Variants in R3HDM1 observed in about 807,000 individuals in gnomAD.
R3HDM1 encodes the protein R3H domain containing 1, also known as R3H domain-containing protein 1.
In R3HDM1, 46 loss-of-function variants were observed where a neutral mutation model predicts 141.1. The ratio of observed to expected loss-of-function variants is 0.33; its 90% CI spans 0.26 to 0.42. The LOEUF is 0.42. R3HDM1 is among the 10% of genes least tolerant of loss of function. The pLI is 1.00. For missense variants in R3HDM1, 1,184 were observed against 1,368.3 expected (o/e 0.87, Z 2.12); for synonymous variants, 435 against 472.9 (o/e 0.92, Z 1.04).
chr2:135,547,649 C>T (rs1041529144), intron 1 of R3HDM1, among the ~76,000 whole-genome samples: 2 of 151,606 alleles, frequency 1.3e-5, no homozygotes, highest in Non-Finnish European at 2.9e-5. Flanking sequence ...TCTTATGGCT[C>T]CTTCTCTTGT....
chr2:135,663,206 A>G (rs1449633467), intron 19 of R3HDM1, among the ~76,000 whole-genome samples: 3 of 152,010 alleles, frequency 2.0e-5, no homozygotes, highest in Non-Finnish European at 4.4e-5. Context: ...AGGTGAAAAC[A>G]TCTATGTGAC....
In R3HDM1 at chr2:135,610,977, G is replaced by T. The variant is rs368372477; in HGVS notation, c.172-5175G>T. On this transcript the variant is annotated intron_variant, in intron 3 of 26. Coordinates refer to ENST00000683871, the MANE Select transcript of R3HDM1 (RefSeq NM_001378107.1). ...ATAAAAAAATTATTCATGCGTCACGGTACATACCTGTAGTCACAGTTGTTT... is the reference window on the plus strand; with the variant it reads ...ATAAAAAAATTATTCATGCGTCACGTTACATACCTGTAGTCACAGTTGTTT... Among the ~76,000 whole-genome samples, 96 of 152,100 alleles carry T rather than the reference G, an allele frequency of 6.3e-4. 1 individual carries two copies. The highest frequency in any genetic ancestry group is 2.0e-3 in the African/African-American group (82 of 41,508).
At position 135,602,592 on chromosome 2, in the gene R3HDM1, G is replaced by A. The variant is rs775469042; in HGVS notation, c.-157G>A. 376 of 1,541,568 alleles carry A rather than the reference G, an allele frequency of 2.4e-4. No homozygotes were observed. The highest frequency in any genetic ancestry group is 3.0e-4 in the Non-Finnish European group (344 of 1,144,316). On this transcript the variant is annotated 5_prime_UTR_variant, in exon 2 of 27. Coordinates refer to ENST00000683871, the MANE Select transcript of R3HDM1 (RefSeq NM_001378107.1). ...CAAGGACATGGGACTCCTCCTGCCA[G>A]ATTACAGATGGTTCACTACAGTTGA...
At chr2:135,700,402 C>T (rs2074037473) in intron 21 of R3HDM1, among the ~76,000 whole-genome samples, 2 of 152,144 alleles carry the variant, frequency 1.3e-5, no homozygotes, top group South Asian at 4.1e-4. Context: ...ATTCAGGCTG[C>T]TATAGTTCAC....
chr2:135,620,040 A>G (rs2061397096), intron 5 of R3HDM1, among the ~76,000 whole-genome samples: 2 of 152,192 alleles, frequency 1.3e-5, no homozygotes, highest in African/African-American at 4.8e-5. Context: ...GCCTCAGTAC[A>G]TTAAGCTTAC....
intron 21 of R3HDM1, among the ~76,000 whole-genome samples, chr2:135,699,649 G>C (rs758760144): frequency 6.6e-6 from 1 of 152,128 alleles, no homozygotes; most frequent in African/African-American, 2.4e-5. Context: ...CTAAAGTTTT[G>C]TAAATGTAGA....
Position 135,621,591 on chromosome 2 carries a change from G to A in R3HDM1, c.401G>A (p.Arg134Lys). The A allele has an allele frequency of 6.3e-7, 1 of 1,585,488 alleles. No individual in the cohort carries two copies. Among genetic ancestry groups the A allele is most frequent in the Non-Finnish European group, 8.6e-7 (1 of 1,167,328 alleles). ...EKEKASDKLP[R>K]KMLSRDSSQE... is the part of the protein sequence containing the mutation. ...GAAAAGGCCAGTGATAAGTTGCCCAGAAAAATGTTATCAAGAGGTTTGCAG... is the reference window on the plus strand; with the variant it reads ...GAAAAGGCCAGTGATAAGTTGCCCAAAAAAATGTTATCAAGAGGTTTGCAG... Residue 134 changes from arginine to lysine, a missense_variant, in exon 6 of 27, where the codon AGA (arginine) becomes AAA (lysine). This residue lies in a region of R3HDM1 where 192 missense variants were observed against 215.7 expected (regional missense o/e 0.89). Coordinates refer to ENST00000683871, the MANE Select transcript of R3HDM1 (RefSeq NM_001378107.1).
chr2:135,715,427 C>G (rs1427222392), intron 23 of R3HDM1, 123 bp from the exon 24 acceptor site: 3 of 1,080,714 alleles, frequency 2.8e-6, no homozygotes, highest in Admixed American at 2.8e-5. Flanking sequence ...TGGGGAGTTG[C>G]AGATCACATG....
At chr2:135,629,888 TAGGGAAGATC>T (rs2062461449) in intron 7 of R3HDM1, among the ~76,000 whole-genome samples, 2 of 152,122 alleles carry the variant, frequency 1.3e-5, no homozygotes, top group East Asian at 1.9e-4. Context: ...TAGAATAGAT[TAGGGAAGATC>T]AGGGAAGATA....
chr2:135,652,114 A>C, intron 18 of R3HDM1, 82 bp downstream of exon 18: 11 of 1,466,618 alleles, frequency 7.5e-6, no homozygotes, highest in Non-Finnish European at 9.9e-6. Context: ...TTATTTTTAA[A>C]TTCTCATGAA....
In R3HDM1 at chr2:135,537,037, T is replaced by C. The variant is rs145025191; in HGVS notation, c.-250+5404T>C. 2.7e-4 allele frequency among the ~76,000 whole-genome samples: 41 copies of C among 152,164 alleles called. 1 individual carries two copies. In the East Asian group the frequency reaches 6.4e-3, roughly 24 times the overall value. On this transcript the variant is annotated intron_variant, in intron 1 of 26. Coordinates refer to ENST00000683871, the MANE Select transcript of R3HDM1 (RefSeq NM_001378107.1). ...AAACAGGTCCCTGGTGCCAAAAAGG[T>C]TGGGGACTGCTGCTCTTAGGACAGA...
At chr2:135,559,617 G>C (rs925001274) in intron 1 of R3HDM1, among the ~76,000 whole-genome samples, 5 of 152,156 alleles carry the variant, frequency 3.3e-5, no homozygotes, top group African/African-American at 1.2e-4. Context: ...TAGATACTTG[G>C]GCTGAGCCCC....
intron 20 of R3HDM1, among the ~76,000 whole-genome samples, chr2:135,678,319 G>C (rs2069574731): frequency 6.6e-6 from 1 of 151,882 alleles, no homozygotes. Flanking sequence ...AGTGATTCTA[G>C]AACTGAGTTT....
intron 1 of R3HDM1, among the ~76,000 whole-genome samples, chr2:135,558,305 A>G (rs1428882012): frequency 6.6e-6 from 1 of 152,210 alleles, no homozygotes; most frequent in South Asian, 2.1e-4. Flanking sequence ...AATTATATTT[A>G]GTACTGAACA....
chr2:135,703,981 CATTT>C (rs757523725), intron 21 of R3HDM1, among the ~76,000 whole-genome samples: 1 of 152,052 alleles, frequency 6.6e-6, no homozygotes. Context: ...GTTATTTATT[CATTT>C]ATTTATTTAT....
intron 1 of R3HDM1, among the ~76,000 whole-genome samples, chr2:135,541,577 G>T (rs187549245): frequency 1.4e-4 from 22 of 152,058 alleles, no homozygotes; most frequent in Non-Finnish European, 2.8e-4. Context: ...GAAGAGATGG[G>T]GTATCAGCCA....
intron 1 of R3HDM1, among the ~76,000 whole-genome samples, chr2:135,562,732 C>G (rs527340069): frequency 1.4e-4 from 22 of 152,138 alleles, no homozygotes; most frequent in Non-Finnish European, 2.5e-4. Flanking sequence ...TACTTTAGTC[C>G]CATACTTTAT....
At chr2:135,669,488 T>C (rs536046359) in intron 19 of R3HDM1, 1 of 984,274 alleles carries the variant, frequency 1.0e-6, no homozygotes, top group African/African-American at 1.7e-5. Context: ...GAGACTTAGG[T>C]ATGTTAAGCT....
chr2:135,666,383 AGGTAGTGGCTCT>A (rs2067498654), intron 19 of R3HDM1, among the ~76,000 whole-genome samples: 1 of 152,236 alleles, frequency 6.6e-6, no homozygotes, highest in South Asian at 2.1e-4. Flanking sequence ...GTAAATTACT[AGGTAGTGGCTCT>A]GGCTATTCTT....
Sources: allele counts gnomAD v4.1 joint callset (sites outside exome capture counted in the v4.1 genomes callset), GRCh38; gene constraint gnomAD v4.1.1; regional missense constraint gnomAD v4.1.1; transcripts MANE v1.5; gene names NCBI Gene and HGNC (gene_info 2026-07-23, HGNC 2026-07-21).